MYO7A: variants seen among roughly 807,000 people sequenced by gnomAD.
The protein encoded by MYO7A is unconventional myosin-VIIa.
Under a neutral mutation model 263.8 loss-of-function variants are expected in MYO7A, and 210 were observed. The observed-to-expected ratio is 0.80, with a 90% CI of 0.71 to 0.89. The LOEUF (loss-of-function observed/expected upper bound fraction) is 0.89, where lower values mean the gene tolerates loss of function less well. Among genes scored for constraint, MYO7A ranks in the 40% least tolerant of loss-of-function variants. The pLI, the probability that MYO7A is intolerant of heterozygous loss-of-function variation, is 0.00. For synonymous variants in MYO7A, 1,239 were observed against 1,197.3 expected, an observed-to-expected ratio of 1.03 and a Z score of -0.72; for missense variants, 2,820 against 2,968.3, an observed-to-expected ratio of 0.95 and a Z score of 1.16.
At chr11:77,201,754 G>A (rs1357043509) in intron 36 of MYO7A, 116 bp downstream of exon 36, 1 of 1,134,832 alleles carries the variant, frequency 8.8e-7, no homozygotes, top group South Asian at 1.5e-5. Context: ...ATGATCTTGG[G>A]ATCTTATGGG....
chr11:77,180,484 G>A lies in MYO7A; in HGVS notation c.2694+3G>A, dbSNP rs782340714. 1 of 1,611,114 alleles carries A rather than the reference G, an allele frequency of 6.2e-7. No individual in the cohort carries two copies. Among genetic ancestry groups the A allele is most frequent in the Non-Finnish European group, 8.5e-7 (1 of 1,178,974 alleles). On this transcript the variant is annotated splice_donor_region_variant and intron_variant, in intron 22 of 48. Transcript: ENST00000409709. ...AGGAGGCCGAGCGCAAGCATCAGGT[G>A]AGCTGAGAGCCTCCAGGCACCTTAG...
chr11:77,200,312 C>T (rs1447225467), intron 35 of MYO7A, among the ~76,000 whole-genome samples: 2 of 151,952 alleles, frequency 1.3e-5, no homozygotes, highest in African/African-American at 4.8e-5. Flanking sequence ...AAAGATGGCA[C>T]CAGCATCTGC....
At chr11:77,206,620 C>G (rs567407446) in intron 41 of MYO7A, among the ~76,000 whole-genome samples, 1 of 152,340 alleles carries the variant, frequency 6.6e-6, no homozygotes, top group South Asian at 2.1e-4. Flanking sequence ...TCCCTCTCCA[C>G]CTGAGGTGGT....
chr11:77,154,116 AAG>A (rs1172243031), intron 4 of MYO7A, among the ~76,000 whole-genome samples: 1 of 152,238 alleles, frequency 6.6e-6, no homozygotes, highest in Non-Finnish European at 1.5e-5. Flanking sequence ...TCTGCCTCAA[AAG>A]AGAGAAAGGA....
Position 77,207,317 on chromosome 11 carries a change from C to T in MYO7A, c.5771C>T (p.Ala1924Val). The stretch of plus-strand genomic sequence containing the variant: ...TTCGAAGTGGAGTCCAGCACCAAGG[C>T]CAAGGACTTCTGCCAGAACATCGCC... ...EAFEVESSTK[A>V]KDFCQNIATR... is the part of the protein sequence containing the mutation. The change falls in exon 42 of 49, where the codon GCC becomes GTC. Residue 1924 changes from alanine to valine, a missense_variant. Transcript: ENST00000409709. 7 of 1,612,302 alleles carry T rather than the reference C, an allele frequency of 4.3e-6. No homozygotes were observed. The highest frequency in any genetic ancestry group is 5.9e-6 in the Non-Finnish European group (7 of 1,179,232).
chr11:77,159,447 C>T lies in MYO7A; in HGVS notation c.1004C>T (p.Ala335Val), dbSNP rs1565349265. 1 of 1,602,938 alleles carries T rather than the reference C, an allele frequency of 6.2e-7. No individual in the cohort carries two copies. Among genetic ancestry groups the T allele is most frequent in the African/African-American group, 1.3e-5 (1 of 74,400 alleles). The change falls in exon 10 of 49, where the codon GCA becomes GTA. Residue 335 changes from alanine to valine, a missense_variant and splice_region_variant. Transcript: ENST00000409709. ...ATGCTGTGCCCCTTGCTGCCAACAG[C>T]ACGCACATTTGAAAACCTGGATGCC... ...ILHLGNLQYE[A>V]RTFENLDACE...
Position 77,172,831 on chromosome 11 carries a change from C to A in MYO7A, c.1881C>A (p.Ala627=), listed in dbSNP as rs908932600. The part of the protein sequence containing the change: ...SLELLMRTLG[A]CQPFFVRCIK... ...AGCTGCTGATGCGCACGCTGGGTGC[C>A]TGCCAGCCCTTCTTTGTGCGATGCA... Residue 627 remains alanine, a synonymous_variant, in exon 16 of 49, where the codon GCC becomes GCA. Coordinates refer to ENST00000409709, the MANE Select transcript of MYO7A (RefSeq NM_000260.4). 5.8e-6 allele frequency: 9 copies of A among 1,552,594 alleles called. No homozygotes were observed. The highest frequency in any genetic ancestry group is 7.8e-6 in the Non-Finnish European group (9 of 1,147,668).
chr11:77,203,206 T>G lies in MYO7A; in HGVS notation c.5315T>G (p.Leu1772Arg), dbSNP rs1375841914. 10 of 1,553,088 alleles carry G rather than the reference T, an allele frequency of 6.4e-6. No individual in the cohort carries two copies. In the Admixed American group the frequency reaches 1.5e-4, roughly 24 times the overall value. ...GAGGAGCTCTCGCAGGAGGCCTGCC[T>G]GGCCTTCATTGATATCCGTGCCACT... ...GSEELSQEAC[L>R]AFIAVLKYMG... Residue 1772 changes from leucine (L) to arginine (R), a missense_variant, in exon 38 of 49, where the codon CTG (leucine) becomes CGG (arginine). Coordinates refer to ENST00000409709, the MANE Select transcript of MYO7A (RefSeq NM_000260.4).
chr11:77,185,039 C>T, intron 27 of MYO7A: 2 of 476,920 alleles, frequency 4.2e-6, no homozygotes, highest in Admixed American at 3.3e-5. Flanking sequence ...TTATACTATA[C>T]TATAGTCTAT....
At chr11:77,165,923 C>A in intron 14 of MYO7A, 133 bp from the exon 15 acceptor site, 1 of 612,676 alleles carries the variant, frequency 1.6e-6, no homozygotes, top group South Asian at 1.8e-5. Flanking sequence ...CCCCTCCAGG[C>A]CTCAGGGCCC....
chr11:77,182,136 C>A lies in MYO7A; in HGVS notation c.3090C>A (p.Asp1030Glu), dbSNP rs782192026. The change falls in exon 24 of 49, where the codon GAC becomes GAA. Residue 1030 changes from aspartate (D) to glutamate (E), a missense_variant. By Grantham distance (45) the Asp-to-Glu change is conservative. Transcript: ENST00000409709. Reference protein sequence around the residue: ...RPLKQPLLYHDDEGDQLAALA... With the variant: ...RPLKQPLLYHEDEGDQLAALA... ...TCAAACAGCCACTGCTCTACCATGA[C>A]GACGAGGGTGACCAGCTGGTAAGGC... The A allele has an allele frequency of 2.5e-6, 4 of 1,613,336 alleles. No individual in the cohort carries two copies. The highest frequency in any genetic ancestry group is 3.4e-6 in the Non-Finnish European group (4 of 1,179,862).
chr11:77,215,082 C>T lies in MYO7A; in HGVS notation c.*386C>T, dbSNP rs1341024270. The T allele has an allele frequency of 9.1e-6, 2 of 219,006 alleles. No individual in the cohort carries two copies. The highest frequency in any genetic ancestry group is 1.1e-4 in the East Asian group (1 of 8,754). The allele number at this position is 219,006 out of a possible 1,614,324, so 13.6% of individuals were successfully genotyped here. On this transcript the variant is annotated 3_prime_UTR_variant, in exon 49 of 49. Coordinates refer to ENST00000409709, the MANE Select transcript of MYO7A (RefSeq NM_000260.4). The stretch of plus-strand genomic sequence containing the variant: ...ACAATCTAGCTCTCCATACTTTGAA[C>T]AACCAAATGTGCATTGAATACTCTG...
intron 3 of MYO7A, among the ~76,000 whole-genome samples, chr11:77,147,172 C>G (rs958814625): frequency 6.6e-6 from 1 of 152,106 alleles, no homozygotes; most frequent in Non-Finnish European, 1.5e-5. Flanking sequence ...CAAGCCTTTG[C>G]CAGCCTGAGG....
At chr11:77,189,627 A>G (rs1488167838) in intron 28 of MYO7A, among the ~76,000 whole-genome samples, 157 bp downstream of exon 28, 2 of 152,248 alleles carry the variant, frequency 1.3e-5, no homozygotes, top group East Asian at 1.9e-4. Flanking sequence ...CCCTCCTCTC[A>G]GGCAGCCACC....
Position 77,170,761 on chromosome 11 carries a change from G to T in MYO7A, c.1798-1987G>T, listed in dbSNP as rs189138521. Among the ~76,000 whole-genome samples the T allele has an allele frequency of 3.5e-3, 528 of 152,312 alleles. 1 individual carries two copies. The highest frequency in any genetic ancestry group is 5.6e-3 in the Non-Finnish European group (379 of 68,012). On this transcript the variant is annotated intron_variant, in intron 15 of 48. Transcript: ENST00000409709. ...GGGGATGGAAGCAAAGAGACGAGTT[G>T]GGGGGTTGCTGCAGGAATTTGAGAG...
chr11:77,146,932 C>T (rs1214481520), intron 3 of MYO7A, among the ~76,000 whole-genome samples: 1 of 152,088 alleles, frequency 6.6e-6, no homozygotes, highest in Non-Finnish European at 1.5e-5. Context: ...AGCTGGTGCA[C>T]TTCCCAAATG....
In MYO7A at chr11:77,160,076, G is replaced by C. The variant is rs1025881032; in HGVS notation, c.1081-87G>C. 2.5e-5 allele frequency: 37 copies of C among 1,497,954 alleles called. No homozygotes were observed. In the African/African-American group the frequency reaches 4.5e-4, roughly 18 times the overall value. 92.8% of individuals were successfully genotyped at this position (1,497,954 alleles called of 1,614,324 possible). A position where few individuals can be genotyped will look rare whatever the true frequency, so the allele number is the denominator to read the frequency against. On this transcript the variant is annotated intron_variant, in intron 10 of 48. Coordinates refer to ENST00000409709, the MANE Select transcript of MYO7A (RefSeq NM_000260.4). ...TAGTGGAGGCAGTGGTCTGGGCCAGGCCAGTGCCGGAAAGTGGAGGGATCC... is the reference window on the plus strand; with the variant it reads ...TAGTGGAGGCAGTGGTCTGGGCCAGCCCAGTGCCGGAAAGTGGAGGGATCC...
intron 46 of MYO7A, chr11:77,212,526 G>A: frequency 2.9e-6 from 1 of 342,104 alleles, no homozygotes; most frequent in Admixed American, 4.1e-5. Flanking sequence ...TCAGGCTGCG[G>A]GTGGAGGAGG....
At position 77,179,862 on chromosome 11, in the gene MYO7A, C is replaced by T. The variant is rs1555082844; in HGVS notation, c.2495C>T (p.Ala832Val). 1 of 1,541,420 alleles carries T rather than the reference C, an allele frequency of 6.5e-7. No homozygotes were observed. Among genetic ancestry groups the T allele is most frequent in the South Asian group, 1.2e-5 (1 of 83,992 alleles). The change falls in exon 21 of 49, where the codon GCC (alanine) becomes GTC (valine). Residue 832 changes from alanine to valine, a missense_variant. Transcript: ENST00000409709. Reference sequence around the variant, plus strand: ...TGCCGCGCCTATCTGGTGCGCAAGGCCTTCCGCCACCGCCTCTGGGCTGTG... The same window carrying T: ...TGCCGCGCCTATCTGGTGCGCAAGGTCTTCCGCCACCGCCTCTGGGCTGTG... Reference protein sequence around the residue: ...ARCRAYLVRKAFRHRLWAVLT... With the variant: ...ARCRAYLVRKVFRHRLWAVLT...
Sources: allele counts gnomAD v4.1 joint callset (sites outside exome capture counted in the v4.1 genomes callset), GRCh38; gene constraint gnomAD v4.1.1; transcripts MANE v1.5; gene names NCBI Gene and HGNC (gene_info 2026-07-23, HGNC 2026-07-21).